TRHDE: variants seen among roughly 807,000 people sequenced by gnomAD.
TRHDE encodes the protein thyrotropin-releasing hormone-degrading ectoenzyme.
A neutral mutation model predicts 125.7 loss-of-function variants in TRHDE; 72 were observed. The observed-to-expected ratio is 0.57, with a 90% CI of 0.47 to 0.70. The LOEUF (loss-of-function observed/expected upper bound fraction) is 0.70, where lower values mean the gene tolerates loss of function less well. Ranked by LOEUF, TRHDE falls within the 30% of genes least tolerant of loss-of-function variation. The pLI, the probability that TRHDE is intolerant of heterozygous loss-of-function variation, is 0.00. For missense variants in TRHDE, 1,110 were observed against 1,327.1 expected (o/e 0.84, Z 2.54); for synonymous variants, 509 against 509.1 (o/e 1.00, Z 0.00).
intron 5 of TRHDE, among the ~76,000 whole-genome samples, chr12:72,473,899 T>G (rs1172736426): frequency 1.3e-5 from 2 of 152,092 alleles, no homozygotes; most frequent in African/African-American, 2.4e-5. Context: ...CAAATTTAAA[T>G]TTATTTTAAG....
intron 7 of TRHDE, among the ~76,000 whole-genome samples, chr12:72,546,128 T>C (rs2135991932): frequency 6.6e-6 from 1 of 151,790 alleles, no homozygotes; most frequent in Non-Finnish European, 1.5e-5. Context: ...ACACTTTCCT[T>C]GTCAATACCC....
chr12:72,508,299 C>CTTTCTAGGT (rs1878440368), intron 6 of TRHDE, among the ~76,000 whole-genome samples: 1 of 152,170 alleles, frequency 6.6e-6, no homozygotes, highest in African/African-American at 2.4e-5. Context: ...AAGCCACAAA[C>CTTTCTAGGT]ACTCAATGCC....
Position 72,373,977 on chromosome 12 carries a change from A to G in TRHDE, c.1189-4018A>G, listed in dbSNP as rs997464787. Among the ~76,000 whole-genome samples, 15 of 152,266 alleles carry G rather than the reference A, an allele frequency of 9.9e-5. No homozygotes were observed. In the South Asian group the frequency reaches 1.7e-3, roughly 17 times the overall value. On this transcript the variant is annotated intron_variant, in intron 2 of 18. Coordinates refer to ENST00000261180, the MANE Select transcript of TRHDE (RefSeq NM_013381.3). ...GCGTGATTTGAAGCTCATTTTAACA[A>G]GAAGGTTTTGATTACTGTATACATA...
rs1875161399 is a variant in TRHDE, at chr12:72,667,951, T to A, written c.*4756T>A. ...ATGGTTTCAGCATACTATCGGTATC[T>A]CACAATGTGTTAATTTTAAGTTAAT... On this transcript the variant is annotated 3_prime_UTR_variant, in exon 19 of 19. Transcript: ENST00000261180. The A allele has an allele frequency of 6.6e-6, 1 of 151,748 alleles. No homozygotes were observed. Among genetic ancestry groups the A allele is most frequent in the Non-Finnish European group, 1.5e-5 (1 of 67,778 alleles). 9.4% of individuals were successfully genotyped at this position (151,748 alleles called of 1,614,324 possible).
chr12:72,282,701 C>G (rs1370895235), intron 1 of TRHDE, among the ~76,000 whole-genome samples: 1 of 152,194 alleles, frequency 6.6e-6, no homozygotes, highest in East Asian at 1.9e-4. Flanking sequence ...TTCTGTGCTA[C>G]CTGTAGTCAA....
intron 7 of TRHDE, among the ~76,000 whole-genome samples, chr12:72,557,300 C>T (rs932066224): frequency 6.6e-6 from 1 of 152,126 alleles, no homozygotes; most frequent in Non-Finnish European, 1.5e-5. Context: ...TGCCATCTAG[C>T]CATGAACCTG....
chr12:72,586,235 T>G (rs1005820892), intron 12 of TRHDE, among the ~76,000 whole-genome samples: 6 of 152,128 alleles, frequency 3.9e-5, no homozygotes, highest in African/African-American at 1.4e-4. Flanking sequence ...TATGAAAAGG[T>G]GATAATTTGG....
At chr12:72,600,165 A>G (rs1872151935) in intron 12 of TRHDE, among the ~76,000 whole-genome samples, 1 of 151,986 alleles carries the variant, frequency 6.6e-6, no homozygotes, top group Non-Finnish European at 1.5e-5. Context: ...GTCTTATAGT[A>G]TAGTTTGAAG....
chr12:72,515,460 C>A (rs1441786409), intron 6 of TRHDE, among the ~76,000 whole-genome samples: 1 of 151,628 alleles, frequency 6.6e-6, no homozygotes, highest in African/African-American at 2.4e-5. Flanking sequence ...CTGTTCATGT[C>A]CTTTGCTCAC....
At chr12:72,435,071 T>G (rs531379197) in intron 3 of TRHDE, among the ~76,000 whole-genome samples, 18 of 152,356 alleles carry the variant, frequency 1.2e-4, no homozygotes, top group Non-Finnish European at 2.1e-4. Context: ...CATCAGCAGT[T>G]CATTGTTTCC....
At chr12:72,224,091 C>CATCTATCTATCTATCTATCTATCT (rs755241021) in intron 2 of TRHDE, among the ~76,000 whole-genome samples, 53 of 50,280 alleles carry the variant, frequency 1.1e-3, no homozygotes, top group South Asian at 1.9e-3. Flanking sequence ...TCTATCTATC[C>CATCTATCTATCTATCTATCTATCT]ATCTATCTAT....
chr12:72,240,471 T>G (rs892410406), intron 2 of TRHDE, among the ~76,000 whole-genome samples: 1 of 151,970 alleles, frequency 6.6e-6, no homozygotes, highest in African/African-American at 2.4e-5. Flanking sequence ...GGAGGCATAA[T>G]AACGATCAGA....
intron 5 of TRHDE, among the ~76,000 whole-genome samples, chr12:72,485,713 T>G (rs966922425): frequency 4.6e-5 from 7 of 152,204 alleles, no homozygotes; most frequent in African/African-American, 1.7e-4. Flanking sequence ...AGAGGCTCTG[T>G]TGACCCATGT....
intron 2 of TRHDE, among the ~76,000 whole-genome samples, chr12:72,352,786 T>G (rs1870642013): frequency 6.6e-6 from 1 of 151,770 alleles, no homozygotes; most frequent in Admixed American, 6.6e-5. Flanking sequence ...CTAAGAATTC[T>G]ATTAACTATG....
intron 2 of TRHDE, chr12:72,140,389 C>T (rs1212192356): frequency 6.6e-6 from 1 of 152,464 alleles, no homozygotes; most frequent in Non-Finnish European, 1.5e-5. Flanking sequence ...CCACCCCCAC[C>T]CCCGCTTCCA....
At chr12:72,419,597 A>G (rs1873870047) in intron 3 of TRHDE, among the ~76,000 whole-genome samples, 1 of 152,188 alleles carries the variant, frequency 6.6e-6, no homozygotes. Flanking sequence ...TCTCAAGAAC[A>G]GAACCAAGGG....
chr12:72,279,534 T>C (rs1036591535), intron 1 of TRHDE, among the ~76,000 whole-genome samples: 4 of 152,196 alleles, frequency 2.6e-5, no homozygotes, highest in African/African-American at 2.4e-5. Context: ...CTGCATACTT[T>C]CTCCCACAGA....
At chr12:72,216,151 G>A (rs553162208) in intron 2 of TRHDE, among the ~76,000 whole-genome samples, 4 of 152,180 alleles carry the variant, frequency 2.6e-5, no homozygotes, top group East Asian at 1.9e-4. Flanking sequence ...GAGTGTTAGC[G>A]AGCTTTATAC....
intron 2 of TRHDE, among the ~76,000 whole-genome samples, chr12:72,346,787 C>T (rs1190510351): frequency 1.3e-5 from 2 of 152,050 alleles, no homozygotes; most frequent in East Asian, 3.9e-4. Context: ...GCTGGAGCTG[C>T]TCTAACAAAA....
Sources: gnomAD v4.1 joint callset for allele counts (sites outside exome capture counted in the v4.1 genomes callset) on GRCh38, gnomAD v4.1.1 for gene constraint, MANE v1.5 for transcripts, NCBI Gene and HGNC (gene_info 2026-07-23, HGNC 2026-07-21) for gene names.